SEL1L: variants seen among roughly 807,000 people sequenced by gnomAD.
The protein encoded by SEL1L is protein sel-1 homolog 1.
Under a neutral mutation model 109.8 loss-of-function variants are expected in SEL1L, and 52 were observed. The observed-to-expected ratio is 0.47, with a 90% CI of 0.38 to 0.60. The LOEUF is 0.60. Ranked by LOEUF, SEL1L falls within the 20% of genes least tolerant of loss-of-function variation. The pLI, the probability that SEL1L is intolerant of heterozygous loss-of-function variation, is 0.00. For synonymous variants in SEL1L, 373 were observed against 339.6 expected (o/e 1.10, Z -1.08); for missense variants, 749 against 962.2 (o/e 0.78, Z 2.93).
At chr14:81,525,619 C>A (rs2140059401) in intron 3 of SEL1L, among the ~76,000 whole-genome samples, 2 of 152,162 alleles carry the variant, frequency 1.3e-5, no homozygotes, top group Admixed American at 1.3e-4. Context: ...ACATCCAATT[C>A]AGCAAATTTA....
chr14:81,484,440 T>C (rs759370386), intron 18 of SEL1L, 43 bp from the exon 19 acceptor site: 3 of 1,525,730 alleles, frequency 2.0e-6, no homozygotes, highest in East Asian at 4.6e-5. Flanking sequence ...AAATAAAGTA[T>C]GTTTAAAACA....
At chr14:81,516,459 T>C (rs905342184) in intron 3 of SEL1L, among the ~76,000 whole-genome samples, 1 of 152,222 alleles carries the variant, frequency 6.6e-6, no homozygotes, top group African/African-American at 2.4e-5. Flanking sequence ...GGGAGCGATA[T>C]ATTAGCCAAA....
intron 4 of SEL1L, 52 bp downstream of exon 4, chr14:81,506,022 T>C: frequency 2.6e-6 from 4 of 1,545,536 alleles, no homozygotes; most frequent in Non-Finnish European, 2.6e-6. Context: ...CTTAAAAACA[T>C]TGCCCTAGAC....
chr14:81,523,316 A>C (rs1252803309), intron 3 of SEL1L, among the ~76,000 whole-genome samples: 1 of 152,140 alleles, frequency 6.6e-6, no homozygotes, highest in Non-Finnish European at 1.5e-5. Flanking sequence ...CTGCATAACA[A>C]AGCTTCCATA....
chr14:81,498,137 A>C (rs936501499), intron 9 of SEL1L, 91 bp from the exon 10 acceptor site: 3 of 1,307,704 alleles, frequency 2.3e-6, no homozygotes, highest in Non-Finnish European at 3.2e-6. Flanking sequence ...CCAAACGTTG[A>C]CGAACACATT....
At chr14:81,498,144 C>G in intron 9 of SEL1L, 98 bp from the exon 10 acceptor site, 1 of 1,257,374 alleles carries the variant, frequency 8.0e-7, no homozygotes, top group Non-Finnish European at 1.1e-6. Flanking sequence ...TTGACGAACA[C>G]ATTGTTAAAG....
chr14:81,489,188 G>C lies in SEL1L; in HGVS notation c.1395+64C>G, dbSNP rs947081580. 3.8e-5 allele frequency: 54 copies of C among 1,420,138 alleles called. No homozygotes were observed. In the African/African-American group the frequency reaches 7.1e-4, roughly 19 times the overall value. The allele number at this position is 1,420,138 out of a possible 1,614,324, so 88.0% of individuals were successfully genotyped here. On this transcript the variant is annotated intron_variant, in intron 14 of 20. Coordinates refer to ENST00000336735, the MANE Select transcript of SEL1L (RefSeq NM_005065.6). The stretch of plus-strand genomic sequence containing the variant: ...CTGGGCTGACTGGAAGCTAATTAAG[G>C]AACATGTCCCTACCTCTCCAGCTGA...
intron 5 of SEL1L, among the ~76,000 whole-genome samples, 191 bp downstream of exon 5, chr14:81,504,009 AC>A (rs1884125460): frequency 6.6e-6 from 1 of 152,228 alleles, no homozygotes. Flanking sequence ...AATCAGTATA[AC>A]AATTTTACCT....
intron 8 of SEL1L, chr14:81,499,180 CAGAGAAAATTTAAAA>C (rs1883900483): frequency 3.5e-6 from 4 of 1,152,954 alleles, no homozygotes; most frequent in Non-Finnish European, 4.3e-6. Flanking sequence ...AATTCCAACT[CAGAGAAAATTTAAAA>C]AGAGCCATTT....
chr14:81,487,623 C>G, intron 15 of SEL1L, 85 bp from the exon 16 acceptor site: 3 of 1,535,152 alleles, frequency 2.0e-6, no homozygotes, highest in Non-Finnish European at 2.6e-6. Context: ...AAGAATAAAA[C>G]TCTAATGAAA....
rs74402742 is a variant in SEL1L at position 81,523,281 on chromosome 14, C to T, written c.340+3452G>A. Among the ~76,000 whole-genome samples, 48 of 152,214 alleles carry T rather than the reference C, an allele frequency of 3.2e-4. 1 individual carries two copies. In the East Asian group the frequency reaches 7.9e-3, roughly 25 times the overall value. On this transcript the variant is annotated intron_variant, in intron 3 of 20. Coordinates refer to ENST00000336735, the MANE Select transcript of SEL1L (RefSeq NM_005065.6). The stretch of plus-strand genomic sequence containing the variant: ...GCTAAAAGTTGAGCCAATAAATCAA[C>T]GCGCAATGATTTAATCAATTATGCC...
intron 3 of SEL1L, among the ~76,000 whole-genome samples, chr14:81,522,560 T>G (rs1023432643): frequency 1.3e-5 from 2 of 152,176 alleles, no homozygotes; most frequent in African/African-American, 4.8e-5. Context: ...ATAGCCGAGG[T>G]ATAGGCTACA....
intron 14 of SEL1L, 52 bp from the exon 15 acceptor site, chr14:81,487,994 A>AGTTATGAGTTTTATTTAAACTCAT (rs1176905060): frequency 7.4e-7 from 1 of 1,345,836 alleles, no homozygotes; most frequent in Non-Finnish European, 1.1e-6. Flanking sequence ...AGACATACTC[A>AGTTATGAGTTTTATTTAAACTCAT]AAAGTTAAGA....
In SEL1L at chr14:81,533,708, C is replaced by T. The variant is rs1183234798; in HGVS notation, c.37G>A (p.Ala13Thr). ...VRIGLTLLLC[A>T]VLLSLASASS... Reference sequence around the variant, plus strand: ...GCCGAGGCCAAGCTCAGCAGCACCGCACACAGCAGCAGCGTCAGCCCTATC... The same window carrying T: ...GCCGAGGCCAAGCTCAGCAGCACCGTACACAGCAGCAGCGTCAGCCCTATC... The change falls in exon 1 of 21, where the codon GCG becomes ACG. Residue 13 changes from alanine (A) to threonine (T), a missense_variant. Coordinates refer to ENST00000336735, the MANE Select transcript of SEL1L (RefSeq NM_005065.6). 1.2e-6 allele frequency: 2 copies of T among 1,613,518 alleles called. No individual in the cohort carries two copies. Among genetic ancestry groups the T allele is most frequent in the Admixed American group, 3.3e-5 (2 of 59,982 alleles).
At position 81,481,025 on chromosome 14, in the gene SEL1L, G is replaced by A. The variant is rs74064921; in HGVS notation, c.2047-1285C>T. On this transcript the variant is annotated intron_variant, in intron 19 of 20. Coordinates refer to ENST00000336735, the MANE Select transcript of SEL1L (RefSeq NM_005065.6). ...TGTAGAAACCTCAGGGGCTACCACC[G>A]GAAGAGATACCTTGAAATACTGGTT... Among the ~76,000 whole-genome samples the A allele has an allele frequency of 6.0e-3, 913 of 152,164 alleles. 3 individuals carry two copies. The highest frequency in any genetic ancestry group is 0.02 in the African/African-American group (851 of 41,524).
chr14:81,504,090 T>C, intron 5 of SEL1L, 111 bp downstream of exon 5: 1 of 566,066 alleles, frequency 1.8e-6, no homozygotes, highest in Non-Finnish European at 3.0e-6. Context: ...GTAATGGAAC[T>C]TAAAAAAATC....
At chr14:81,527,397 TG>T (rs1885153470) in intron 2 of SEL1L, among the ~76,000 whole-genome samples, 1 of 151,028 alleles carries the variant, frequency 6.6e-6, no homozygotes, top group South Asian at 2.1e-4. Context: ...TTTTGAGAAC[TG>T]GAAAGTGGAA....
At chr14:81,529,904 A>G (rs921666813) in intron 1 of SEL1L, among the ~76,000 whole-genome samples, 3 of 152,248 alleles carry the variant, frequency 2.0e-5, no homozygotes, top group Non-Finnish European at 4.4e-5. Context: ...AATAAAAAGC[A>G]AACAGTAATG....
At position 81,499,600 on chromosome 14, in the gene SEL1L, T is replaced by C. The variant is rs201207833; in HGVS notation, c.831+9A>G. On this transcript the variant is annotated intron_variant, in intron 7 of 20. Transcript: ENST00000336735. Reference sequence around the variant, plus strand: ...ATTGTAATATGCAATAAAGTTTTAATAGTATTACCTTTGCCTGACTTGAAT... The same window carrying C: ...ATTGTAATATGCAATAAAGTTTTAACAGTATTACCTTTGCCTGACTTGAAT... 735 of 1,610,772 alleles carry C rather than the reference T, an allele frequency of 4.6e-4. 1 individual carries two copies. The highest frequency in any genetic ancestry group is 5.3e-4 in the Middle Eastern group (3 of 5,626).
Sources: allele counts gnomAD v4.1 joint callset (sites outside exome capture counted in the v4.1 genomes callset), GRCh38; gene constraint gnomAD v4.1.1; transcripts MANE v1.5; gene names NCBI Gene and HGNC (gene_info 2026-07-23, HGNC 2026-07-21).